CFAP69: variants seen among roughly 807,000 people sequenced by gnomAD.
CFAP69 encodes the protein cilia and flagella associated protein 69, also known as cilia- and flagella-associated protein 69.
In CFAP69, 92 loss-of-function variants were observed where a neutral mutation model predicts 123.0. That is an observed-to-expected ratio of 0.75 (90% CI 0.63 to 0.89). CFAP69 has a LOEUF of 0.89. Ranked by LOEUF, CFAP69 falls within the 40% of genes least tolerant of loss-of-function variation. The pLI, the probability that CFAP69 is intolerant of heterozygous loss-of-function variation, is 0.00. For synonymous variants in CFAP69, 380 were observed against 364.3 expected (o/e 1.04, Z -0.49); for missense variants, 1,067 against 1,096.9 (o/e 0.97, Z 0.39).
chr7:90,284,278 A>G (rs1050480802), intron 13 of CFAP69, among the ~76,000 whole-genome samples: 1 of 152,170 alleles, frequency 6.6e-6, no homozygotes, highest in African/African-American at 2.4e-5. Context: ...AACGTGCTCA[A>G]TAAGTAGTAA....
At chr7:90,254,933 AT>A (rs1333018920) in intron 1 of CFAP69, among the ~76,000 whole-genome samples, 1 of 152,162 alleles carries the variant, frequency 6.6e-6, no homozygotes, top group Non-Finnish European at 1.5e-5. Flanking sequence ...GACTCAAGAA[AT>A]ATTTAAGATG....
Position 90,304,021 on chromosome 7 carries a change from A to C in CFAP69, c.2103A>C (p.Pro701=). The change falls in exon 18 of 23, where the codon CCA becomes CCC. Residue 701 remains proline (P), a synonymous_variant. Transcript: ENST00000389297. Reference sequence around the variant, plus strand: ...TTCAAGAAGAGCAAAAAATCATCCCACTGCCTGCTAACTGCCCATCTATTG... The same window carrying C: ...TTCAAGAAGAGCAAAAAATCATCCCCCTGCCTGCTAACTGCCCATCTATTG... ...TSFQEEQKII[P]LPANCPSIAV... is the part of the protein sequence containing the mutation. 1 of 1,551,254 alleles carries C rather than the reference A, an allele frequency of 6.4e-7. No individual in the cohort carries two copies. The highest frequency in any genetic ancestry group is 8.7e-7 in the Non-Finnish European group (1 of 1,146,736).
At chr7:90,254,365 G>A (rs1337514166) in intron 1 of CFAP69, among the ~76,000 whole-genome samples, 5 of 151,940 alleles carry the variant, frequency 3.3e-5, no homozygotes, top group Admixed American at 6.6e-5. Flanking sequence ...TTCCTTCCCC[G>A]TTTACCTATG....
intron 15 of CFAP69, among the ~76,000 whole-genome samples, chr7:90,292,476 A>C (rs1293851136): frequency 1.3e-5 from 2 of 152,202 alleles, no homozygotes; most frequent in Non-Finnish European, 2.9e-5. Context: ...CCTTAGTAAA[A>C]TAATCAGTTT....
chr7:90,313,982 G>A (rs962500132), downstream of CFAP69, among the ~76,000 whole-genome samples: 8 of 152,186 alleles, frequency 5.3e-5, no homozygotes, highest in East Asian at 1.9e-4. Context: ...TTGATATGAC[G>A]TGTTGAGTAT....
intron 11 of CFAP69, among the ~76,000 whole-genome samples, chr7:90,279,350 C>T (rs551495470): frequency 5.3e-5 from 8 of 151,874 alleles, no homozygotes; most frequent in Middle Eastern, 3.4e-3. Context: ...ATACGTTATA[C>T]GTTTTATTAT....
At chr7:90,258,672 A>G (rs1312600761) in intron 3 of CFAP69, among the ~76,000 whole-genome samples, 1 of 152,200 alleles carries the variant, frequency 6.6e-6, no homozygotes, top group Non-Finnish European at 1.5e-5. Context: ...AGGAATTAGG[A>G]CATAGATATC....
chr7:90,299,035 A>G (rs1246813321), intron 16 of CFAP69, among the ~76,000 whole-genome samples: 2 of 152,148 alleles, frequency 1.3e-5, no homozygotes, highest in Non-Finnish European at 2.9e-5. Flanking sequence ...AGAGCTGACT[A>G]TGTACCAGGG....
intron 5 of CFAP69, among the ~76,000 whole-genome samples, chr7:90,267,627 C>T (rs1033258935): frequency 2.0e-5 from 3 of 152,158 alleles, no homozygotes; most frequent in Non-Finnish European, 4.4e-5. Flanking sequence ...GAACATAAAA[C>T]TATTACCCTT....
At chr7:90,271,401 T>G in intron 6 of CFAP69, 125 bp from the exon 7 acceptor site, 2 of 1,029,740 alleles carry the variant, frequency 1.9e-6, no homozygotes, top group Non-Finnish European at 2.8e-6. Context: ...GCTGCGCAAT[T>G]TTTAAATTCC....
intron 4 of CFAP69, 42 bp downstream of exon 4, chr7:90,262,098 G>A (rs190144047): frequency 8.7e-4 from 1,081 of 1,237,088 alleles, no homozygotes; most frequent in Non-Finnish European, 1.1e-3. Flanking sequence ...GTAACATGGA[G>A]TATTTTATTA....
At chr7:90,251,652 C>T (rs1443830617) in intron 1 of CFAP69, among the ~76,000 whole-genome samples, 1 of 150,682 alleles carries the variant, frequency 6.6e-6, no homozygotes, top group Non-Finnish European at 1.5e-5. Context: ...TTCCCCACAC[C>T]TAGCACAATT....
intron 19 of CFAP69, among the ~76,000 whole-genome samples, chr7:90,306,447 C>T (rs1219982964): frequency 6.6e-6 from 1 of 152,162 alleles, no homozygotes; most frequent in African/African-American, 2.4e-5. Context: ...AGGGGCAGGG[C>T]CCCTTTCTCA....
chr7:90,274,024 G>A lies in CFAP69; in HGVS notation c.898G>A (p.Gly300Ser). 1 of 1,604,332 alleles carries A rather than the reference G, an allele frequency of 6.2e-7. No individual in the cohort carries two copies. ...AGTATTTAAAAATCTGTTTATGAGAGGTTTCAGTCATTATGACCGTCAGCT... is the reference window on the plus strand; with the variant it reads ...AGTATTTAAAAATCTGTTTATGAGAAGTTTCAGTCATTATGACCGTCAGCT... ...KEVFKNLFMRGFSHYDRQLRN... is the reference protein window; with the variant it reads ...KEVFKNLFMRSFSHYDRQLRN... The change falls in exon 9 of 23, where the codon GGT (glycine) becomes AGT (serine). Residue 300 changes from glycine to serine, a missense_variant. Gly to Ser is a moderately conservative substitution (Grantham distance 56). Coordinates refer to ENST00000389297, the MANE Select transcript of CFAP69 (RefSeq NM_001039706.3).
chr7:90,270,532 A>G (rs1337985199), intron 6 of CFAP69, among the ~76,000 whole-genome samples: 2 of 152,146 alleles, frequency 1.3e-5, no homozygotes, highest in Admixed American at 6.6e-5. Flanking sequence ...TACTTTTTAA[A>G]TGCTTTTTAT....
intron 1 of CFAP69, among the ~76,000 whole-genome samples, chr7:90,248,969 C>T (rs943206406): frequency 6.6e-6 from 1 of 152,168 alleles, no homozygotes; most frequent in African/African-American, 2.4e-5. Flanking sequence ...CACATACATT[C>T]CAAGTGCCCC....
At chr7:90,279,550 G>A in intron 11 of CFAP69, 127 bp from the exon 12 acceptor site, 1 of 565,456 alleles carries the variant, frequency 1.8e-6, no homozygotes, top group Non-Finnish European at 2.9e-6. Context: ...ATAGATTGGG[G>A]TTATTTTATA....
intron 12 of CFAP69, among the ~76,000 whole-genome samples, chr7:90,281,303 CT>C (rs937700382): frequency 2.9e-3 from 419 of 144,746 alleles, no homozygotes; most frequent in African/African-American, 4.2e-3. Context: ...GTATTTTCAA[CT>C]TTTTTTTTTT....
downstream of CFAP69, among the ~76,000 whole-genome samples, chr7:90,313,371 T>G (rs532683220): frequency 1.3e-5 from 2 of 152,320 alleles, no homozygotes; most frequent in African/African-American, 4.8e-5. Context: ...TAGTTGCCTT[T>G]CAAGGAAAAT....
Sources: allele counts gnomAD v4.1 joint callset (sites outside exome capture counted in the v4.1 genomes callset), GRCh38; gene constraint gnomAD v4.1.1; transcripts MANE v1.5; gene names NCBI Gene and HGNC (gene_info 2026-07-23, HGNC 2026-07-21).